The following LRP8 variants were observed in gnomAD, a reference collection of about 807,000 sequenced individuals.
LRP8 encodes LDL receptor related protein 8, also known as low-density lipoprotein receptor-related protein 8.
Under a neutral mutation model 111.6 loss-of-function variants are expected in LRP8, and 46 were observed. The observed-to-expected ratio is 0.41, with a 90% CI of 0.33 to 0.53. LRP8 has a LOEUF of 0.53. Among genes scored for constraint, LRP8 ranks in the 20% least tolerant of loss-of-function variants. The pLI, the probability that LRP8 is intolerant of heterozygous loss-of-function variation, is 0.20. For missense variants in LRP8, 959 were observed against 1,297.4 expected, an observed-to-expected ratio of 0.74 and a Z score of 4.01; for synonymous variants, 464 against 511.2, an observed-to-expected ratio of 0.91 and a Z score of 1.24.
At chr1:53,314,005 G>C (rs969070026) in intron 2 of LRP8, among the ~76,000 whole-genome samples, 1 of 152,268 alleles carries the variant, frequency 6.6e-6, no homozygotes, top group South Asian at 2.1e-4. Flanking sequence ...CAGGTAGGCA[G>C]GGTGAGTGTC....
At chr1:53,323,806 T>C (rs1654813386) in intron 2 of LRP8, among the ~76,000 whole-genome samples, 1 of 152,242 alleles carries the variant, frequency 6.6e-6, no homozygotes, top group Non-Finnish European at 1.5e-5. Context: ...TCCAAGCCTA[T>C]GTCCTCTATA....
chr1:53,264,419 C>T (rs1646471532), intron 9 of LRP8, 23 bp from the exon 10 acceptor site: 1 of 1,595,374 alleles, frequency 6.3e-7, no homozygotes, highest in African/African-American at 1.3e-5. Flanking sequence ...CAGAGATGAC[C>T]ATGGGGCAGA....
At position 53,272,528 on chromosome 1, in the gene LRP8, C is replaced by T. The variant is rs531855718; in HGVS notation, c.1007-1182G>A. 25 of 1,249,710 alleles carry T rather than the reference C, an allele frequency of 2.0e-5. No homozygotes were observed. In the South Asian group the frequency reaches 3.0e-4, roughly 15 times the overall value. 77.4% of individuals were successfully genotyped at this position (1,249,710 alleles called of 1,614,324 possible). A position where few individuals can be genotyped will look rare whatever the true frequency, so the allele number is the denominator to read the frequency against. On this transcript the variant is annotated intron_variant, in intron 6 of 18. Coordinates refer to ENST00000306052, the MANE Select transcript of LRP8 (RefSeq NM_004631.5). ...CCATGCATATAGCTGGTCTGAGCTG[C>T]CCACCCCAGGCCATGCACAGCTATG...
At chr1:53,298,538 G>A (rs1009486633) in intron 2 of LRP8, among the ~76,000 whole-genome samples, 2 of 152,182 alleles carry the variant, frequency 1.3e-5, no homozygotes, top group Non-Finnish European at 2.9e-5. Flanking sequence ...TTGGCACTGG[G>A]ATTGTGGGTT....
chr1:53,294,281 C>A lies in LRP8; in HGVS notation c.245-4592G>T, dbSNP rs562747079. 6.6e-6 allele frequency among the ~76,000 whole-genome samples: 1 copy of A among 152,292 alleles called. No individual in the cohort carries two copies. The highest frequency in any genetic ancestry group is 2.4e-5 in the African/African-American group (1 of 41,558). On this transcript the variant is annotated intron_variant, in intron 2 of 18. Transcript: ENST00000306052. The surrounding 1 kb of genome is among the most constrained non-coding windows in gnomAD (Gnocchi z 4.1). ...TGGTGCCATGGCAACAGATGGGCTG[C>A]CACAAAGGACTAGGGGATTCTAGGG...
intron 2 of LRP8, among the ~76,000 whole-genome samples, chr1:53,297,723 T>C: frequency 6.6e-6 from 1 of 152,180 alleles, no homozygotes; most frequent in East Asian, 1.9e-4. Context: ...AGAGTTTCCC[T>C]CAAAATTTTC....
chr1:53,280,498 A>T (rs548381397), intron 4 of LRP8, 89 bp downstream of exon 4: 1 of 1,537,032 alleles, frequency 6.5e-7, no homozygotes, highest in East Asian at 2.3e-5. Context: ...CCCCACGGGG[A>T]ACTGGGCCCC....
chr1:53,277,118 C>T (rs1368759736), intron 4 of LRP8, 40 bp from the exon 5 acceptor site: 2 of 1,417,132 alleles, frequency 1.4e-6, no homozygotes, highest in Admixed American at 2.8e-5. Context: ...CCGACCCCCT[C>T]CCCGGCCGAC....
chr1:53,285,070 G>A (rs1441479964), intron 3 of LRP8, among the ~76,000 whole-genome samples: 1 of 152,156 alleles, frequency 6.6e-6, no homozygotes, highest in Non-Finnish European at 1.5e-5. Context: ...GTTGGTCTGG[G>A]TAATGACTGA....
At chr1:53,300,688 G>A (rs1650647959) in intron 2 of LRP8, among the ~76,000 whole-genome samples, 1 of 152,156 alleles carries the variant, frequency 6.6e-6, no homozygotes, top group African/African-American at 2.4e-5. Context: ...CTGTCATAAA[G>A]CAGGGCTCAG....
intron 2 of LRP8, among the ~76,000 whole-genome samples, chr1:53,315,495 A>C (rs1165797384): frequency 1.3e-5 from 2 of 152,230 alleles, no homozygotes; most frequent in Non-Finnish European, 2.9e-5. Context: ...CAGATGAGGC[A>C]GGTGCTCAGA....
Position 53,327,164 on chromosome 1 carries a change from C to T in LRP8, c.125-172G>A. 1.4e-5 allele frequency: 12 copies of T among 887,546 alleles called. No individual in the cohort carries two copies. In the South Asian group the frequency reaches 2.2e-4, roughly 16 times the overall value. 55.0% of individuals were successfully genotyped at this position (887,546 alleles called of 1,614,324 possible). A position where few individuals can be genotyped will look rare whatever the true frequency, so the allele number is the denominator to read the frequency against. On this transcript the variant is annotated intron_variant, in intron 1 of 18. Coordinates refer to ENST00000306052, the MANE Select transcript of LRP8 (RefSeq NM_004631.5). ...AGGGAGGGCACGATGGCAGGGGTTC[C>T]GTGGATGTCGGGCCGCTCGGTGGCA...
chr1:53,326,955 G>A lies in LRP8; in HGVS notation c.162C>T (p.Cys54=). Residue 54 remains cysteine, a synonymous_variant, in exon 2 of 19, where the codon TGC becomes TGT. Coordinates refer to ENST00000306052, the MANE Select transcript of LRP8 (RefSeq NM_004631.5). ...CAGAGGGGATGCAGCGCTCGTTCCGGCACTGGAATTGGTCCTTTTCGCAAT... is the reference window on the plus strand; with the variant it reads ...CAGAGGGGATGCAGCGCTCGTTCCGACACTGGAATTGGTCCTTTTCGCAAT... ...AKDCEKDQFQ[C]RNERCIPSVW... The A allele has an allele frequency of 1.9e-6, 3 of 1,613,812 alleles. No homozygotes were observed. The highest frequency in any genetic ancestry group is 1.7e-6 in the Non-Finnish European group (2 of 1,179,994).
intron 13 of LRP8, 77 bp downstream of exon 13, chr1:53,260,387 C>A: frequency 6.9e-7 from 1 of 1,452,670 alleles, no homozygotes; most frequent in Non-Finnish European, 9.5e-7. Context: ...TGAATGTGAA[C>A]ACAGCCTGCC....
intron 4 of LRP8, among the ~76,000 whole-genome samples, chr1:53,277,906 T>C (rs1292730866): frequency 6.6e-6 from 1 of 152,224 alleles, no homozygotes; most frequent in Non-Finnish European, 1.5e-5. Context: ...CAGAGCTCCC[T>C]GTAGTGAGTG....
intron 2 of LRP8, among the ~76,000 whole-genome samples, chr1:53,312,783 G>A (rs960675018): frequency 6.6e-6 from 1 of 152,190 alleles, no homozygotes; most frequent in African/African-American, 2.4e-5. Flanking sequence ...GACTGGTCAA[G>A]TGTCCCAGTT....
intron 2 of LRP8, among the ~76,000 whole-genome samples, chr1:53,296,083 G>T (rs55901136): frequency 0.51 from 77,232 of 151,956 alleles, 20,233 homozygotes; most frequent in East Asian, 0.9. Context: ...CCTCAGAGCA[G>T]GGACACGTCT....
At chr1:53,255,224 CTG>C (rs756303938) in intron 15 of LRP8, 39 bp from the exon 16 acceptor site, 1 of 1,593,288 alleles carries the variant, frequency 6.3e-7, no homozygotes, top group Non-Finnish European at 8.6e-7. Context: ...TGCTCTATCA[CTG>C]TGTGTCCAAG....
chr1:53,319,934 G>C (rs931325887), intron 2 of LRP8, among the ~76,000 whole-genome samples: 1 of 152,264 alleles, frequency 6.6e-6, no homozygotes, highest in Non-Finnish European at 1.5e-5. Flanking sequence ...TGGGATGTGT[G>C]AATGCATATC....
Sources: gnomAD v4.1 joint callset for allele counts (sites outside exome capture counted in the v4.1 genomes callset) on GRCh38, gnomAD v4.1.1 for gene constraint, Gnocchi (gnomAD v3.1) non-coding constraint, MANE v1.5 for transcripts, NCBI Gene and HGNC (gene_info 2026-07-23, HGNC 2026-07-21) for gene names.